TSPAN11: variants seen among roughly 807,000 people sequenced by gnomAD.
The protein encoded by TSPAN11 is tetraspanin 11.
In TSPAN11, 29 loss-of-function variants were observed where a neutral mutation model predicts 32.9. That is an observed-to-expected ratio of 0.88 (90% CI 0.66 to 1.20). The LOEUF (loss-of-function observed/expected upper bound fraction) is 1.20, where lower values mean the gene tolerates loss of function less well. Ranked by LOEUF, TSPAN11 falls within the 50% of genes most tolerant of loss-of-function variation. The pLI, the probability that TSPAN11 is intolerant of heterozygous loss-of-function variation, is 0.00. For synonymous variants in TSPAN11, 140 were observed against 141.3 expected, an observed-to-expected ratio of 0.99 and a Z score of 0.07; for missense variants, 283 against 329.1, an observed-to-expected ratio of 0.86 and a Z score of 1.08.
chr12:30,947,774 C>A (rs1258690199), intron 1 of TSPAN11, among the ~76,000 whole-genome samples: 2 of 152,128 alleles, frequency 1.3e-5, no homozygotes, highest in African/African-American at 4.8e-5. Context: ...CTGCCCCTAG[C>A]CCCTCCAAAT....
rs377653811 is a variant in TSPAN11 at position 30,983,158 on chromosome 12, G to T, written c.702+8G>T. 20 of 1,609,314 alleles carry T rather than the reference G, an allele frequency of 1.2e-5. No homozygotes were observed. The African/African-American group carries it at 2.4e-4, about 19-fold the overall frequency. Reference sequence around the variant, plus strand: ...GGGGTGGCCTGCCTGCAGGTGAGTTGCAGTGCGGGGACTGGTGGGGGTGGA... The same window carrying T: ...GGGGTGGCCTGCCTGCAGGTGAGTTTCAGTGCGGGGACTGGTGGGGGTGGA... On this transcript the variant is annotated splice_region_variant and intron_variant, in intron 7 of 7. Transcript: ENST00000546076.
chr12:30,941,931 A>G (rs1592464005), intron 1 of TSPAN11, among the ~76,000 whole-genome samples: 1 of 152,298 alleles, frequency 6.6e-6, no homozygotes, highest in East Asian at 1.9e-4. Flanking sequence ...CTTCTTTTAA[A>G]TGACTTTCCT....
At chr12:30,939,933 G>A (rs1938126145) in intron 1 of TSPAN11, among the ~76,000 whole-genome samples, 3 of 152,198 alleles carry the variant, frequency 2.0e-5, no homozygotes, top group African/African-American at 7.2e-5. Flanking sequence ...ATGTACAATG[G>A]ACATAGGTCT....
chr12:31,009,561 C>A, the TSPAN11 span, among the ~76,000 whole-genome samples: 1 of 152,126 alleles, frequency 6.6e-6, no homozygotes, highest in South Asian at 2.1e-4. Context: ...AAGCAAGACA[C>A]GTTTTCAGCC....
chr12:30,971,640 C>G (rs1164353498), intron 3 of TSPAN11, among the ~76,000 whole-genome samples: 1 of 152,000 alleles, frequency 6.6e-6, no homozygotes, highest in Non-Finnish European at 1.5e-5. Flanking sequence ...GTCCCAGCTA[C>G]TTAGGAGGCT....
chr12:30,962,062 G>A (rs993711280), intron 2 of TSPAN11, among the ~76,000 whole-genome samples: 3 of 152,006 alleles, frequency 2.0e-5, no homozygotes, highest in Non-Finnish European at 4.4e-5. Flanking sequence ...GTACCACTAA[G>A]AAAAACTACT....
At chr12:31,000,857 A>G (rs1415016662), downstream of TSPAN11, among the ~76,000 whole-genome samples, 1 of 152,208 alleles carries the variant, frequency 6.6e-6, no homozygotes, top group African/African-American at 2.4e-5. Context: ...ATTTGGTACA[A>G]ACAATAAGTC....
chr12:30,959,343 G>A (rs1381758878), intron 2 of TSPAN11, among the ~76,000 whole-genome samples: 1 of 152,136 alleles, frequency 6.6e-6, no homozygotes, highest in East Asian at 1.9e-4. Flanking sequence ...GGGCCTTAGA[G>A]GGTGTGTAGG....
intron 5 of TSPAN11, among the ~76,000 whole-genome samples, chr12:30,980,731 T>G (rs890212242): frequency 4.6e-5 from 7 of 152,036 alleles, no homozygotes; most frequent in African/African-American, 1.7e-4. Context: ...GTCTCTTCTC[T>G]GAAATAGTGG....
At chr12:31,002,303 C>T in the TSPAN11 span, among the ~76,000 whole-genome samples, 1 of 152,178 alleles carries the variant, frequency 6.6e-6, no homozygotes, top group Non-Finnish European at 1.5e-5. The surrounding 1 kb of genome is among the most constrained non-coding windows in gnomAD (Gnocchi z 4.8). Flanking sequence ...GCTCCACACA[C>T]AGAGGGGTTT....
At chr12:30,955,039 G>A (rs879383324) in intron 2 of TSPAN11, 1 of 152,244 alleles carries the variant, frequency 6.6e-6, no homozygotes, top group Non-Finnish European at 1.5e-5. Context: ...GGACATGTCT[G>A]AGTTTTCAGG....
rs569557238 is a variant in TSPAN11 at position 30,995,921 on chromosome 12, C to A, written c.*4006C>A. On this transcript the variant is annotated 3_prime_UTR_variant, in exon 8 of 8. Transcript: ENST00000546076. ...ACACTTTGAGAACCACTGCTTTAGACCAAACACCAAAGGAAGATGCAGCCA... is the reference window on the plus strand; with the variant it reads ...ACACTTTGAGAACCACTGCTTTAGAACAAACACCAAAGGAAGATGCAGCCA... 3.6e-3 allele frequency: 546 copies of A among 152,358 alleles called. 1 individual carries two copies. Among genetic ancestry groups the A allele is most frequent in the South Asian group, 4.1e-3 (20 of 4,824 alleles). 9.4% of individuals were successfully genotyped at this position (152,358 alleles called of 1,614,324 possible).
chr12:30,976,240 C>T (rs11051193), intron 3 of TSPAN11, among the ~76,000 whole-genome samples: 4,781 of 152,200 alleles, frequency 0.031, 158 homozygotes, highest in East Asian at 0.19. Context: ...GGGCAGGAGG[C>T]GGGTTAGATC....
rs1939041714 is a variant in TSPAN11, at chr12:30,979,435, A to C, written c.352-131A>C. On this transcript the variant is annotated intron_variant, in intron 4 of 7. Coordinates refer to ENST00000546076, the MANE Select transcript of TSPAN11 (RefSeq NM_001370302.1). The stretch of plus-strand genomic sequence containing the variant: ...CTGATGGTCCCTTACGCTGTTGAGA[A>C]ACCTCCGCATCACACCATCCACAGT... The C allele has an allele frequency of 3.7e-6, 3 of 801,742 alleles. No individual in the cohort carries two copies. The Admixed American group carries it at 6.7e-5, about 18-fold the overall frequency. 49.7% of individuals were successfully genotyped at this position (801,742 alleles called of 1,614,324 possible).
chr12:30,978,311 G>C (rs1939015709), intron 3 of TSPAN11: 1 of 492,708 alleles, frequency 2.0e-6, no homozygotes, highest in African/African-American at 1.9e-5. Flanking sequence ...CCTGGCATCT[G>C]GCATATGGCA....
Position 30,987,623 on chromosome 12 carries a change from A to G in TSPAN11, c.703-4233A>G, listed in dbSNP as rs535485627. Among the ~76,000 whole-genome samples the G allele has an allele frequency of 1.9e-4, 29 of 152,220 alleles. No homozygotes were observed. The East Asian group carries it at 3.7e-3, about 19-fold the overall frequency. On this transcript the variant is annotated intron_variant, in intron 7 of 7. Transcript: ENST00000546076. ...GTCTCAAAGAAAAAAAAAATACCCC[A>G]GGCCTGGGCTCCCCGCAGCAAAATG...
At chr12:30,963,805 T>C (rs1233900744) in intron 2 of TSPAN11, 21 bp from the exon 3 acceptor site, 1 of 1,601,850 alleles carries the variant, frequency 6.2e-7, no homozygotes, top group East Asian at 2.2e-5. Context: ...CCCCCTGCTC[T>C]AACCCGGTGG....
At chr12:30,989,479 A>C (rs2140312914) in intron 7 of TSPAN11, among the ~76,000 whole-genome samples, 1 of 152,190 alleles carries the variant, frequency 6.6e-6, no homozygotes, top group East Asian at 1.9e-4. Flanking sequence ...GGTTCTTGTT[A>C]TTCTAGTTTT....
chr12:31,001,710 C>T, the TSPAN11 span, among the ~76,000 whole-genome samples: 2 of 152,182 alleles, frequency 1.3e-5, no homozygotes, highest in Admixed American at 6.5e-5. Flanking sequence ...AGTTCCCCCA[C>T]CACATCACAC....
Sources: gnomAD v4.1 joint callset for allele counts (sites outside exome capture counted in the v4.1 genomes callset) on GRCh38, gnomAD v4.1.1 for gene constraint, Gnocchi (gnomAD v3.1) non-coding constraint, MANE v1.5 for transcripts, NCBI Gene and HGNC (gene_info 2026-07-23, HGNC 2026-07-21) for gene names.